ARHGAP35: variants seen among roughly 807,000 people sequenced by gnomAD.
The protein encoded by ARHGAP35 is Rho GTPase activating protein 35.
In ARHGAP35, 15 loss-of-function variants were observed where a neutral mutation model predicts 111.1. The observed-to-expected ratio is 0.13, with a 90% CI of 0.09 to 0.21. The LOEUF is 0.21. Ranked by LOEUF, ARHGAP35 falls within the 10% of genes least tolerant of loss-of-function variation. ARHGAP35 has a pLI of 1.00. For synonymous variants in ARHGAP35, 643 were observed against 710.3 expected, an observed-to-expected ratio of 0.91 and a Z score of 1.51; for missense variants, 1,262 against 1,873.0, an observed-to-expected ratio of 0.67 and a Z score of 6.02.
intron 3 of ARHGAP35, among the ~76,000 whole-genome samples, chr19:46,939,239 T>C (rs2056329990): frequency 6.6e-6 from 1 of 152,006 alleles, no homozygotes; most frequent in South Asian, 2.1e-4. Context: ...CCTCCTAAAG[T>C]CCTGGGATTA....
intron 3 of ARHGAP35, among the ~76,000 whole-genome samples, chr19:46,950,066 A>T (rs185743615): frequency 9.2e-5 from 14 of 152,336 alleles, no homozygotes; most frequent in Non-Finnish European, 1.8e-4. Context: ...TCGTCATTTC[A>T]TCCCTCAACA....
chr19:46,873,041 A>G (rs1275507523), intron 1 of ARHGAP35, among the ~76,000 whole-genome samples: 2 of 152,204 alleles, frequency 1.3e-5, no homozygotes, highest in Non-Finnish European at 2.9e-5. Context: ...CCGAGGTTGC[A>G]GAGAGGGGAC....
At position 46,923,523 on chromosome 19, in the gene ARHGAP35, G is replaced by A. The variant is rs147979230; in HGVS notation, c.3681+1167G>A. On this transcript the variant is annotated intron_variant, in intron 2 of 6. Transcript: ENST00000672722. ...GTTTAGGCTTTGAGAAAGAAAAAGC[G>A]TTTCTCAACTTTTTCTTTTTCTTTT... 3.2e-3 allele frequency among the ~76,000 whole-genome samples: 483 copies of A among 152,050 alleles called. 4 individuals are homozygous for A. The highest frequency in any genetic ancestry group is 0.011 in the African/African-American group (463 of 41,488).
intron 2 of ARHGAP35, among the ~76,000 whole-genome samples, chr19:46,923,520 A>T (rs1321310422): frequency 6.6e-6 from 1 of 151,974 alleles, no homozygotes; most frequent in Non-Finnish European, 1.5e-5. Flanking sequence ...AGAAAGAAAA[A>T]GCGTTTCTCA....
Position 46,992,308 on chromosome 19 carries a change from C to T in ARHGAP35, c.4036+2633C>T, listed in dbSNP as rs1469079751. 6.6e-6 allele frequency among the ~76,000 whole-genome samples: 1 copy of T among 152,174 alleles called. No individual in the cohort carries two copies. Among genetic ancestry groups the T allele is most frequent in the Non-Finnish European group, 1.5e-5 (1 of 68,034 alleles). ...ACCGCTAGGGAGTGGCAAGCCGGGG[C>T]TTGAGTCCCTGCGTACGTGGGTGCA... On this transcript the variant is annotated intron_variant, in intron 5 of 6. Coordinates refer to ENST00000672722, the MANE Select transcript of ARHGAP35 (RefSeq NM_004491.5). The surrounding 1 kb of genome is among the most constrained non-coding windows in gnomAD (Gnocchi z 4.4).
At chr19:46,942,551 T>A (rs774385284) in intron 3 of ARHGAP35, among the ~76,000 whole-genome samples, 1 of 152,068 alleles carries the variant, frequency 6.6e-6, no homozygotes, top group Non-Finnish European at 1.5e-5. Context: ...GTGGGAGAAT[T>A]ACTTGAACCC....
At chr19:46,996,458 CT>C (rs1466577257) in intron 5 of ARHGAP35, among the ~76,000 whole-genome samples, 4 of 152,124 alleles carry the variant, frequency 2.6e-5, no homozygotes, top group East Asian at 3.9e-4. Flanking sequence ...TCCCCACCCC[CT>C]GAAGAAGAAA....
At position 46,918,475 on chromosome 19, in the gene ARHGAP35, T is replaced by C. The variant is rs1187981067; in HGVS notation, c.-188-13T>C. On this transcript the variant is annotated splice_polypyrimidine_tract_variant and intron_variant, in intron 1 of 6. Transcript: ENST00000672722. This position sits in a 1 kb window ranked among gnomAD's most constrained non-coding sequence, Gnocchi z 5.4. Reference sequence around the variant, plus strand: ...TGATGCTGATGGGTTTTCTTTTTTTTTCCCCCATCTAGGAAGAAATGTTGG... The same window carrying C: ...TGATGCTGATGGGTTTTCTTTTTTTCTCCCCCATCTAGGAAGAAATGTTGG... Among the ~76,000 whole-genome samples, 1 of 152,198 alleles carries C rather than the reference T, an allele frequency of 6.6e-6. No homozygotes were observed. Among genetic ancestry groups the C allele is most frequent in the Non-Finnish European group, 1.5e-5 (1 of 68,028 alleles).
chr19:46,969,485 C>T (rs2056532807), intron 3 of ARHGAP35, among the ~76,000 whole-genome samples: 1 of 152,150 alleles, frequency 6.6e-6, no homozygotes, highest in South Asian at 2.1e-4. Flanking sequence ...CTGTCTGGCA[C>T]ATACACTCTG....
rs987792788 is a variant in ARHGAP35 at position 46,994,820 on chromosome 19, G to A, written c.4037-4484G>A. On this transcript the variant is annotated intron_variant, in intron 5 of 6. Transcript: ENST00000672722. This position sits in a 1 kb window ranked among gnomAD's most constrained non-coding sequence, Gnocchi z 5.4. ...AATATCTGCTCCTCCCACCCACTGC[G>A]GATGAACAAATGACCCAAGGAGGAG... Among the ~76,000 whole-genome samples the A allele has an allele frequency of 4.6e-5, 7 of 152,158 alleles. No individual in the cohort carries two copies. Among genetic ancestry groups the A allele is most frequent in the Admixed American group, 2.0e-4 (3 of 15,274 alleles).
chr19:46,982,502 T>C (rs573011728), intron 3 of ARHGAP35, among the ~76,000 whole-genome samples: 1 of 151,650 alleles, frequency 6.6e-6, no homozygotes, highest in African/African-American at 2.4e-5. Context: ...GATTAAGCAA[T>C]GCCTAAGGGC....
At chr19:46,940,578 T>C (rs1310188396) in intron 3 of ARHGAP35, among the ~76,000 whole-genome samples, 2 of 151,380 alleles carry the variant, frequency 1.3e-5, no homozygotes, top group Non-Finnish European at 2.9e-5. Flanking sequence ...TTTTGTAGGG[T>C]GTTCCTCAGC....
In ARHGAP35 at chr19:46,889,750, C is replaced by CAAAAA. The variant is rs5828291; in HGVS notation, c.-189+28558_-189+28562dup. Among the ~76,000 whole-genome samples, 782 of 85,208 alleles carry CAAAAA rather than the reference C, an allele frequency of 9.2e-3. 22 individuals are homozygous for CAAAAA. Among genetic ancestry groups the CAAAAA allele is most frequent in the African/African-American group, 0.036 (744 of 20,836 alleles). The allele number at this position is 85,208 out of a possible 152,430, so 55.9% of individuals were successfully genotyped here. Reference sequence around the variant, plus strand: ...TGGGCGACAGAGCGAGACTCCGTCTCAAAAAAAAAAAAAAAAAAAAAGAGT... The same window carrying CAAAAA: ...TGGGCGACAGAGCGAGACTCCGTCTCAAAAAAAAAAAAAAAAAAAAAAAAAAGAGT... On this transcript the variant is annotated intron_variant, in intron 1 of 6. Transcript: ENST00000672722.
At chr19:46,962,902 C>T (rs761594391) in intron 3 of ARHGAP35, among the ~76,000 whole-genome samples, 38 of 152,190 alleles carry the variant, frequency 2.5e-4, no homozygotes, top group Non-Finnish European at 4.3e-4. Flanking sequence ...TGAGCCACTG[C>T]GCCCGGCCTC....
chr19:46,883,081 G>A (rs1308556781), intron 1 of ARHGAP35, among the ~76,000 whole-genome samples: 2 of 151,914 alleles, frequency 1.3e-5, no homozygotes, highest in Non-Finnish European at 2.9e-5. Context: ...GCCATTGTGG[G>A]ATTATTAATT....
intron 3 of ARHGAP35, among the ~76,000 whole-genome samples, chr19:46,955,101 T>C (rs1320188305): frequency 6.6e-6 from 1 of 152,148 alleles, no homozygotes; most frequent in African/African-American, 2.4e-5. Context: ...GTATTTATTA[T>C]TGTCGTTTCA....
At chr19:46,972,779 T>C (rs953801237) in intron 3 of ARHGAP35, among the ~76,000 whole-genome samples, 2 of 152,196 alleles carry the variant, frequency 1.3e-5, no homozygotes, top group African/African-American at 4.8e-5. Context: ...ATAGCTGTGA[T>C]TTCCAATTTT....
At chr19:46,909,308 C>A (rs377191599) in intron 1 of ARHGAP35, among the ~76,000 whole-genome samples, 41 of 152,006 alleles carry the variant, frequency 2.7e-4, no homozygotes, top group African/African-American at 9.9e-4. Context: ...ATTTAAAAAA[C>A]AAAAACAAAA....
Position 46,868,893 on chromosome 19 carries a change from A to ATTTTTT in ARHGAP35, c.-189+7708_-189+7713dup, listed in dbSNP as rs59080309. The stretch of plus-strand genomic sequence containing the variant: ...AGTTATTTAGGTGGAGCTCACCGTG[A>ATTTTTT]TTTTTTTTTTTTTTTTTTTTTTTTT... On this transcript the variant is annotated intron_variant, in intron 1 of 6. Transcript: ENST00000672722. 3.4e-3 allele frequency among the ~76,000 whole-genome samples: 201 copies of ATTTTTT among 58,700 alleles called. 35 individuals are homozygous for ATTTTTT. Among genetic ancestry groups the ATTTTTT allele is most frequent in the Non-Finnish European group, 4.9e-3 (161 of 33,054 alleles). 38.5% of individuals were successfully genotyped at this position (58,700 alleles called of 152,430 possible). A position where few individuals can be genotyped will look rare whatever the true frequency, so the allele number is the denominator to read the frequency against.
Sources: allele counts gnomAD v4.1 joint callset (sites outside exome capture counted in the v4.1 genomes callset), GRCh38; gene constraint gnomAD v4.1.1; non-coding constraint Gnocchi (gnomAD v3.1); transcripts MANE v1.5; gene names NCBI Gene and HGNC (gene_info 2026-07-23, HGNC 2026-07-21).